ADAMTS12: variants seen among roughly 807,000 people sequenced by gnomAD.
ADAMTS12 encodes A disintegrin and metalloproteinase with thrombospondin motifs 12.
A neutral mutation model predicts 167.8 loss-of-function variants in ADAMTS12; 118 were observed. The observed-to-expected ratio is 0.70, with a 90% CI of 0.61 to 0.82. ADAMTS12 has a LOEUF of 0.82. Ranked by LOEUF, ADAMTS12 falls within the 40% of genes least tolerant of loss-of-function variation. The pLI is 0.00. For synonymous variants in ADAMTS12, 704 were observed against 716.9 expected (o/e 0.98, Z 0.29); for missense variants, 1,916 against 1,998.8 (o/e 0.96, Z 0.79).
chr5:33,877,416 T>C (rs1750268382), intron 2 of ADAMTS12, among the ~76,000 whole-genome samples: 1 of 151,994 alleles, frequency 6.6e-6, no homozygotes. Context: ...AACAACAAAT[T>C]CACTTGGAAC....
intron 2 of ADAMTS12, among the ~76,000 whole-genome samples, chr5:33,836,659 A>G (rs949865079): frequency 2.0e-5 from 3 of 152,066 alleles, no homozygotes; most frequent in Admixed American, 2.0e-4. Context: ...AAAAGAAAGT[A>G]AGGCAGAGAC....
chr5:33,708,065 T>C (rs919018662), intron 3 of ADAMTS12, among the ~76,000 whole-genome samples: 1 of 152,008 alleles, frequency 6.6e-6, no homozygotes, highest in Non-Finnish European at 1.5e-5. Context: ...AGGGCTAATA[T>C]CCAGAATCTA....
At chr5:33,858,919 C>T (rs975871610) in intron 2 of ADAMTS12, among the ~76,000 whole-genome samples, 3 of 151,978 alleles carry the variant, frequency 2.0e-5, no homozygotes, top group Non-Finnish European at 4.4e-5. Context: ...CAAGGAACTC[C>T]CTCCCTTAGC....
chr5:33,770,489 C>T lies in ADAMTS12; in HGVS notation c.490-18941G>A, dbSNP rs780134262. 3.4e-4 allele frequency among the ~76,000 whole-genome samples: 52 copies of T among 152,098 alleles called. 1 individual carries two copies. Among genetic ancestry groups the T allele is most frequent in the Non-Finnish European group, 7.1e-4 (48 of 68,008 alleles). ...TCTCTCATCAGCTATACACCTGCAG[C>T]TTTATCTGGAGGTTTTGTGGCAATA... is the stretch of plus-strand genomic sequence containing the variant. On this transcript the variant is annotated intron_variant, in intron 2 of 23. Transcript: ENST00000504830.
intron 21 of ADAMTS12, among the ~76,000 whole-genome samples, chr5:33,548,863 G>GGC (rs1367073941): frequency 6.6e-6 from 1 of 152,168 alleles, no homozygotes; most frequent in Non-Finnish European, 1.5e-5. Flanking sequence ...GTCTGTAAGT[G>GGC]GCTCTCATCA....
intron 3 of ADAMTS12, 122 bp from the exon 4 acceptor site, chr5:33,684,177 T>C (rs1742238818): frequency 1.4e-6 from 1 of 717,136 alleles, no homozygotes. Context: ...ACGCAATGTT[T>C]TTACGTACAT....
intron 22 of ADAMTS12, among the ~76,000 whole-genome samples, chr5:33,540,322 A>G (rs1744628914): frequency 6.6e-6 from 1 of 152,250 alleles, no homozygotes; most frequent in Non-Finnish European, 1.5e-5. Context: ...AACTGGGCGG[A>G]GCCCACCACA....
At chr5:33,665,895 G>A (rs962556782) in intron 5 of ADAMTS12, among the ~76,000 whole-genome samples, 2 of 152,210 alleles carry the variant, frequency 1.3e-5, no homozygotes, top group Non-Finnish European at 2.9e-5. Flanking sequence ...GGGTCTAGAG[G>A]CAGGTAAAAC....
At chr5:33,764,834 T>C (rs1745475472) in intron 2 of ADAMTS12, among the ~76,000 whole-genome samples, 1 of 152,010 alleles carries the variant, frequency 6.6e-6, no homozygotes, top group Non-Finnish European at 1.5e-5. Context: ...AAGGCCCAAA[T>C]TGACCAGGCA....
At chr5:33,829,626 C>G (rs535074280) in intron 2 of ADAMTS12, among the ~76,000 whole-genome samples, 2 of 152,222 alleles carry the variant, frequency 1.3e-5, no homozygotes, top group African/African-American at 4.8e-5. Context: ...TTCTTCAACC[C>G]CCTTGGGTCT....
intron 2 of ADAMTS12, among the ~76,000 whole-genome samples, chr5:33,872,457 G>A (rs1048755233): frequency 6.6e-6 from 1 of 151,952 alleles, no homozygotes; most frequent in Non-Finnish European, 1.5e-5. Context: ...TGAGGTAGGA[G>A]AATCGCTTGA....
intron 2 of ADAMTS12, among the ~76,000 whole-genome samples, chr5:33,850,874 C>G (rs1179444734): frequency 6.6e-6 from 1 of 152,162 alleles, no homozygotes; most frequent in Non-Finnish European, 1.5e-5. Context: ...GCACGTATCA[C>G]CCCATGAGGT....
chr5:33,800,677 G>A (rs546000354), intron 2 of ADAMTS12, among the ~76,000 whole-genome samples: 1 of 152,158 alleles, frequency 6.6e-6, no homozygotes, highest in South Asian at 2.1e-4. Context: ...CCAGACTAAG[G>A]ATTGTAGAGG....
chr5:33,626,025 T>C (rs186135556), intron 13 of ADAMTS12, among the ~76,000 whole-genome samples: 1 of 152,300 alleles, frequency 6.6e-6, no homozygotes, highest in African/African-American at 2.4e-5. Flanking sequence ...TGCTACCCTA[T>C]GTGGAAAATG....
intron 22 of ADAMTS12, among the ~76,000 whole-genome samples, chr5:33,540,047 T>C (rs1744612280): frequency 6.6e-6 from 1 of 152,328 alleles, no homozygotes; most frequent in Non-Finnish European, 1.5e-5. Context: ...GATTGCCCTT[T>C]CCTATCCAAG....
At chr5:33,750,825 G>A (rs1365266361) in intron 3 of ADAMTS12, among the ~76,000 whole-genome samples, 1 of 152,206 alleles carries the variant, frequency 6.6e-6, no homozygotes, top group Non-Finnish European at 1.5e-5. Context: ...CTTAAGGGCA[G>A]GGAACGCAGC....
At chr5:33,790,451 G>A (rs953693039) in intron 2 of ADAMTS12, among the ~76,000 whole-genome samples, 1 of 151,764 alleles carries the variant, frequency 6.6e-6, no homozygotes, top group Non-Finnish European at 1.5e-5. Flanking sequence ...TATTCGGAAG[G>A]CTGAGGCAGA....
intron 2 of ADAMTS12, among the ~76,000 whole-genome samples, chr5:33,784,865 A>C (rs1746272246): frequency 6.6e-6 from 1 of 152,132 alleles, no homozygotes; most frequent in Non-Finnish European, 1.5e-5. Flanking sequence ...TAGAATATTC[A>C]AAATAAATGT....
intron 12 of ADAMTS12, among the ~76,000 whole-genome samples, chr5:33,633,550 C>A (rs1740056235): frequency 6.6e-6 from 1 of 152,018 alleles, no homozygotes; most frequent in African/African-American, 2.4e-5. Context: ...TGTTTGAAAG[C>A]AGTCATCCTA....
Sources: gnomAD v4.1 joint callset for allele counts (sites outside exome capture counted in the v4.1 genomes callset) on GRCh38, gnomAD v4.1.1 for gene constraint, MANE v1.5 for transcripts, NCBI Gene and HGNC (gene_info 2026-07-23, HGNC 2026-07-21) for gene names.